The following MYBPC1 variants were observed in gnomAD, a reference collection of about 807,000 sequenced individuals.
MYBPC1 encodes myosin binding protein C1.
In MYBPC1, 52 loss-of-function variants were observed where a neutral mutation model predicts 147.1. The observed-to-expected ratio is 0.35, with a 90% CI of 0.28 to 0.45. The LOEUF is 0.45. Ranked by LOEUF, MYBPC1 falls within the 20% of genes least tolerant of loss-of-function variation. The pLI is 1.00. For missense variants in MYBPC1, 1,228 were observed against 1,440.3 expected (o/e 0.85, Z 2.39); for synonymous variants, 477 against 475.9 (o/e 1.00, Z -0.03).
At chr12:101,688,218 G>C (rs368739756), downstream of MYBPC1, among the ~76,000 whole-genome samples, 1 of 151,974 alleles carries the variant, frequency 6.6e-6, no homozygotes, top group South Asian at 2.1e-4. Context: ...CCGGGAGTTC[G>C]AGAGCAGCTA....
intron 1 of MYBPC1, among the ~76,000 whole-genome samples, chr12:101,601,224 G>C (rs1226813086): frequency 6.6e-6 from 1 of 152,168 alleles, no homozygotes; most frequent in Non-Finnish European, 1.5e-5. Flanking sequence ...GATAAGAAGA[G>C]GGCTTCTGTC....
At chr12:101,616,244 T>C (rs1240953170) in intron 2 of MYBPC1, among the ~76,000 whole-genome samples, 1 of 152,122 alleles carries the variant, frequency 6.6e-6, no homozygotes, top group East Asian at 1.9e-4. Flanking sequence ...CTTCTTAGGA[T>C]CTTCCTGTTC....
intron 3 of MYBPC1, among the ~76,000 whole-genome samples, chr12:101,621,231 C>T (rs1308770236): frequency 2.6e-5 from 4 of 152,184 alleles, no homozygotes; most frequent in South Asian, 2.1e-4. Flanking sequence ...AATTACATTA[C>T]TTCTTTGTAA....
chr12:101,642,565 G>A lies in MYBPC1; in HGVS notation c.812G>A (p.Arg271Lys). 1.2e-6 allele frequency: 2 copies of A among 1,612,262 alleles called. No homozygotes were observed. Among genetic ancestry groups the A allele is most frequent in the Non-Finnish European group, 1.7e-6 (2 of 1,179,286 alleles). The change falls in exon 11 of 32, where the codon AGA becomes AAA. Residue 271 changes from arginine (R) to lysine (K), a missense_variant. This residue lies in a region of MYBPC1 where 1,077 missense variants were observed against 1,314.2 expected (regional missense o/e 0.82). Transcript: ENST00000361466. ...GMLKRLKRMR[R>K]EEKKSAAFAK... The stretch of plus-strand genomic sequence containing the variant: ...CTCAAGCGACTCAAGCGCATGCGCA[G>A]AGAGGAGAAGAAGAGCGCAGGTGAG...
intron 12 of MYBPC1, among the ~76,000 whole-genome samples, chr12:101,645,776 C>T (rs1892972659): frequency 6.6e-6 from 1 of 152,204 alleles, no homozygotes; most frequent in Non-Finnish European, 1.5e-5. Context: ...TGTGCTCCTC[C>T]ATAATACAGA....
chr12:101,626,051 G>T (rs1041526278), intron 3 of MYBPC1, among the ~76,000 whole-genome samples: 6 of 127,600 alleles, frequency 4.7e-5, no homozygotes, highest in Non-Finnish European at 9.3e-5. Flanking sequence ...TCACGCCATT[G>T]CACTCCAGCC....
At chr12:101,652,106 G>A (rs911115171) in intron 16 of MYBPC1, among the ~76,000 whole-genome samples, 2 of 152,180 alleles carry the variant, frequency 1.3e-5, no homozygotes, top group African/African-American at 4.8e-5. Context: ...TAAGGCAAGA[G>A]TTTAACTTTG....
At chr12:101,673,968 G>A (rs903810958) in intron 25 of MYBPC1, among the ~76,000 whole-genome samples, 1 of 152,064 alleles carries the variant, frequency 6.6e-6, no homozygotes, top group Non-Finnish European at 1.5e-5. Context: ...CAGGAGAATC[G>A]CTTGAACCTG....
intron 21 of MYBPC1, 36 bp downstream of exon 21, chr12:101,662,582 C>T (rs757685763): frequency 2.5e-6 from 4 of 1,604,950 alleles, no homozygotes; most frequent in Non-Finnish European, 1.7e-6. Context: ...TCATCAGAAT[C>T]ATTGCCCCAG....
chr12:101,660,362 C>T (rs1045847701), intron 19 of MYBPC1: 47 of 177,678 alleles, frequency 2.6e-4, no homozygotes, highest in African/African-American at 8.6e-4. Flanking sequence ...TACCAGCCAA[C>T]ATCTTGAGTC....
At chr12:101,635,076 C>T (rs1443596362) in intron 9 of MYBPC1, among the ~76,000 whole-genome samples, 1 of 152,088 alleles carries the variant, frequency 6.6e-6, no homozygotes, top group Non-Finnish European at 1.5e-5. Context: ...GAAGTTAGTG[C>T]CATATAATAT....
At chr12:101,687,288 T>C (rs1377793642), downstream of MYBPC1, among the ~76,000 whole-genome samples, 8 of 152,104 alleles carry the variant, frequency 5.3e-5, no homozygotes, top group Non-Finnish European at 7.4e-5. Flanking sequence ...GTGTTCTCAT[T>C]GTTCAGCTCC....
intron 22 of MYBPC1, among the ~76,000 whole-genome samples, chr12:101,667,035 G>T (rs1897625192): frequency 6.6e-6 from 1 of 151,894 alleles, no homozygotes; most frequent in Non-Finnish European, 1.5e-5. Context: ...CTAACTTTTA[G>T]ATGCTGAAAC....
chr12:101,642,565 G>C lies in MYBPC1; in HGVS notation c.812G>C (p.Arg271Thr). 2 of 1,612,262 alleles carry C rather than the reference G, an allele frequency of 1.2e-6. No individual in the cohort carries two copies. The highest frequency in any genetic ancestry group is 2.2e-5 in the East Asian group (1 of 44,814). ...CTCAAGCGACTCAAGCGCATGCGCA[G>C]AGAGGAGAAGAAGAGCGCAGGTGAG... ...GMLKRLKRMR[R>T]EEKKSAAFAK... Residue 271 changes from arginine to threonine, a missense_variant, in exon 11 of 32, where the codon AGA becomes ACA. Arg to Thr is a moderately conservative substitution (Grantham distance 71, BLOSUM62 -1). Coordinates refer to ENST00000361466, the MANE Select transcript of MYBPC1 (RefSeq NM_002465.4).
At chr12:101,677,596 A>G (rs758790480) in intron 27 of MYBPC1, among the ~76,000 whole-genome samples, 1 of 152,234 alleles carries the variant, frequency 6.6e-6, no homozygotes, top group Admixed American at 6.5e-5. Flanking sequence ...TTTTACAAAT[A>G]TAGGCTTTAA....
At chr12:101,651,486 G>A in intron 16 of MYBPC1, 93 bp downstream of exon 16, 1 of 1,510,002 alleles carries the variant, frequency 6.6e-7, no homozygotes, top group Non-Finnish European at 9.2e-7. Context: ...TATTTGAAGG[G>A]TAGCCATAGG....
intron 3 of MYBPC1, among the ~76,000 whole-genome samples, chr12:101,622,162 C>T (rs1282025619): frequency 1.3e-5 from 2 of 152,104 alleles, no homozygotes. Flanking sequence ...ATATGACTTA[C>T]ATATATTTTT....
chr12:101,606,229 C>CAT (rs1882110155), intron 1 of MYBPC1, among the ~76,000 whole-genome samples: 1 of 151,716 alleles, frequency 6.6e-6, no homozygotes, highest in Non-Finnish European at 1.5e-5. Flanking sequence ...CACACACACA[C>CAT]ACACACAAGA....
intron 8 of MYBPC1, among the ~76,000 whole-genome samples, chr12:101,632,923 CG>C (rs1890206494): frequency 6.6e-6 from 1 of 152,086 alleles, no homozygotes; most frequent in Non-Finnish European, 1.5e-5. Context: ...TTAGAAGAGA[CG>C]GGATTTCGCC....
Sources: allele counts gnomAD v4.1 joint callset (sites outside exome capture counted in the v4.1 genomes callset), GRCh38; gene constraint gnomAD v4.1.1; regional missense constraint gnomAD v4.1.1; transcripts MANE v1.5; gene names NCBI Gene and HGNC (gene_info 2026-07-23, HGNC 2026-07-21).